Variants in ARHGAP26 observed in about 807,000 individuals in gnomAD.
ARHGAP26 encodes the protein Rho GTPase activating protein 26.
A neutral mutation model predicts 104.8 loss-of-function variants in ARHGAP26; 38 were observed. The observed-to-expected ratio is 0.36, with a 90% CI of 0.28 to 0.48. ARHGAP26 has a LOEUF of 0.48. Ranked by LOEUF, ARHGAP26 falls within the 20% of genes least tolerant of loss-of-function variation. The pLI is 0.99. For missense variants in ARHGAP26, 704 were observed against 947.9 expected, an observed-to-expected ratio of 0.74 and a Z score of 3.38; for synonymous variants, 341 against 340.0, an observed-to-expected ratio of 1.00 and a Z score of -0.03.
At chr5:143,011,827 G>T (rs150808242) in intron 11 of ARHGAP26, among the ~76,000 whole-genome samples, 1 of 152,116 alleles carries the variant, frequency 6.6e-6, no homozygotes, top group Non-Finnish European at 1.5e-5. Context: ...CCTAGACTTC[G>T]TGGTGACTTT....
At position 142,871,842 on chromosome 5, in the gene ARHGAP26, G is replaced by C. The variant is rs1360512604; in HGVS notation, c.155-1558G>C. 6.6e-6 allele frequency among the ~76,000 whole-genome samples: 1 copy of C among 152,226 alleles called. No homozygotes were observed. The highest frequency in any genetic ancestry group is 1.5e-5 in the Non-Finnish European group (1 of 68,046). ...TAAGGACCATTCTGTGAAAGTGACT[G>C]AACGAGGGAGAGATCGGAGACTGTT... On this transcript the variant is annotated intron_variant, in intron 1 of 22. Coordinates refer to ENST00000645722, the MANE Select transcript of ARHGAP26 (RefSeq NM_001135608.3). The surrounding 1 kb of genome is among the most constrained non-coding windows in gnomAD (Gnocchi z 4.1).
chr5:142,906,530 C>T (rs1761131745), intron 8 of ARHGAP26, among the ~76,000 whole-genome samples: 1 of 152,182 alleles, frequency 6.6e-6, no homozygotes, highest in South Asian at 2.1e-4. Flanking sequence ...ATCCATCCAT[C>T]CGTCCGTCCG....
At chr5:143,203,261 G>A (rs575860456) in intron 20 of ARHGAP26, 53 of 152,164 alleles carry the variant, frequency 3.5e-4, no homozygotes, top group African/African-American at 1.3e-3. Flanking sequence ...GTGGGTGAAG[G>A]ATATGAACAG....
At chr5:142,924,122 A>G (rs1359746013) in intron 10 of ARHGAP26, among the ~76,000 whole-genome samples, 2 of 152,132 alleles carry the variant, frequency 1.3e-5, no homozygotes, top group Non-Finnish European at 2.9e-5. Context: ...TCGGCATCCC[A>G]AAGTGCTGAG....
At chr5:142,968,151 A>C (rs867213995) in intron 11 of ARHGAP26, among the ~76,000 whole-genome samples, 6 of 152,254 alleles carry the variant, frequency 3.9e-5, no homozygotes, top group Middle Eastern at 3.4e-3. Flanking sequence ...TTTAATCCTC[A>C]TAACAACTCT....
rs576308897 is a variant in ARHGAP26 at position 142,773,758 on chromosome 5, G to T, written c.154+2843G>T. Among the ~76,000 whole-genome samples the T allele has an allele frequency of 3.3e-5, 5 of 152,294 alleles. No homozygotes were observed. The East Asian group carries it at 7.7e-4, about 23-fold the overall frequency. On this transcript the variant is annotated intron_variant, in intron 1 of 22. Coordinates refer to ENST00000645722, the MANE Select transcript of ARHGAP26 (RefSeq NM_001135608.3). ...TTTGTAAAGCAGCAGAGTTTCTTTT[G>T]GGGGTAGCACTGAATGATTATCAGT...
At chr5:142,960,117 G>A (rs918565025) in intron 11 of ARHGAP26, among the ~76,000 whole-genome samples, 1 of 152,244 alleles carries the variant, frequency 6.6e-6, no homozygotes, top group African/African-American at 2.4e-5. Flanking sequence ...AAGACAGCTA[G>A]GACAACCTGA....
At chr5:143,061,552 T>C (rs890702233) in intron 17 of ARHGAP26, among the ~76,000 whole-genome samples, 3 of 152,244 alleles carry the variant, frequency 2.0e-5, no homozygotes, top group African/African-American at 4.8e-5. Context: ...ACTGTTCCTT[T>C]GTTGCAGGGG....
intron 1 of ARHGAP26, 93 bp from the exon 2 acceptor site, chr5:142,873,307 T>C (rs915569020): frequency 2.3e-4 from 199 of 873,924 alleles, no homozygotes; most frequent in Non-Finnish European, 5.3e-5. Flanking sequence ...ATCCGCCTCC[T>C]AAGATATTCC....
At chr5:142,786,749 C>G (rs780875344) in intron 1 of ARHGAP26, among the ~76,000 whole-genome samples, 17 of 145,964 alleles carry the variant, frequency 1.2e-4, no homozygotes, top group Middle Eastern at 3.9e-3. Context: ...CGGGCTGAAG[C>G]AATTCTCCTG....
chr5:142,820,474 A>C (rs1765938864), intron 1 of ARHGAP26, among the ~76,000 whole-genome samples: 1 of 152,202 alleles, frequency 6.6e-6, no homozygotes, highest in African/African-American at 2.4e-5. Context: ...AAACCCACCT[A>C]AGGCTCATAT....
Position 142,890,572 on chromosome 5 carries a change from C to T in ARHGAP26, c.487-3666C>T, listed in dbSNP as rs77578848. 8.2e-4 allele frequency among the ~76,000 whole-genome samples: 125 copies of T among 151,988 alleles called. No homozygotes were observed. In the East Asian group the frequency reaches 0.011, roughly 13 times the overall value. On this transcript the variant is annotated intron_variant, in intron 5 of 22. Transcript: ENST00000645722. Reference sequence around the variant, plus strand: ...AGATTTTAAGGAAGATATTCTGGCTCCTGTGTGCAGAGTGGATTGGGGCAG... The same window carrying T: ...AGATTTTAAGGAAGATATTCTGGCTTCTGTGTGCAGAGTGGATTGGGGCAG...
At chr5:143,080,111 T>C (rs1020573563) in intron 17 of ARHGAP26, among the ~76,000 whole-genome samples, 1 of 152,188 alleles carries the variant, frequency 6.6e-6, no homozygotes, top group Non-Finnish European at 1.5e-5. Context: ...AGCTGACCTT[T>C]ATATGTAGGA....
intron 11 of ARHGAP26, among the ~76,000 whole-genome samples, chr5:142,957,697 A>G (rs1469520098): frequency 5.9e-5 from 9 of 152,244 alleles, no homozygotes; most frequent in Admixed American, 4.6e-4. Context: ...ATTGCAGTGC[A>G]CACTGCTTTT....
At chr5:143,161,044 C>T (rs962021754) in intron 20 of ARHGAP26, among the ~76,000 whole-genome samples, 5 of 139,092 alleles carry the variant, frequency 3.6e-5, no homozygotes, top group African/African-American at 5.5e-5. Flanking sequence ...GAGTCTCTTA[C>T]CTTGTTGCTC....
intron 17 of ARHGAP26, among the ~76,000 whole-genome samples, chr5:143,106,709 G>T (rs1794074809): frequency 6.6e-6 from 1 of 152,096 alleles, no homozygotes; most frequent in Non-Finnish European, 1.5e-5. Context: ...CTGACCTCAG[G>T]TGATCCACCC....
chr5:142,886,876 G>A (rs969569446), intron 5 of ARHGAP26, among the ~76,000 whole-genome samples: 3 of 152,210 alleles, frequency 2.0e-5, no homozygotes, highest in East Asian at 3.9e-4. Flanking sequence ...TATTCTTCTG[G>A]CATCACTTGG....
intron 11 of ARHGAP26, among the ~76,000 whole-genome samples, chr5:142,952,602 C>T (rs1259794926): frequency 6.6e-6 from 1 of 152,144 alleles, no homozygotes; most frequent in East Asian, 1.9e-4. Context: ...GTTCTGTGGA[C>T]CATTTTTTCA....
chr5:143,045,977 C>CA (rs1784176211), intron 14 of ARHGAP26, among the ~76,000 whole-genome samples: 1 of 151,970 alleles, frequency 6.6e-6, no homozygotes, highest in South Asian at 2.1e-4. Flanking sequence ...ACTAAAAATA[C>CA]AAAAAAATTA....
Sources: allele counts gnomAD v4.1 joint callset (sites outside exome capture counted in the v4.1 genomes callset), GRCh38; gene constraint gnomAD v4.1.1; non-coding constraint Gnocchi (gnomAD v3.1); transcripts MANE v1.5; gene names NCBI Gene and HGNC (gene_info 2026-07-23, HGNC 2026-07-21).